Variants in XKR9 observed in about 807,000 individuals in gnomAD.
The protein encoded by XKR9 is XK-related protein 9.
In XKR9, 32 loss-of-function variants were observed where a neutral mutation model predicts 32.0. That is an observed-to-expected ratio of 1.00 (90% CI 0.76 to 1.34). The LOEUF (loss-of-function observed/expected upper bound fraction) is 1.34, where lower values mean the gene tolerates loss of function less well. Among genes scored for constraint, XKR9 ranks in the 40% most tolerant of loss-of-function variants. XKR9 has a pLI of 0.00. For missense variants in XKR9, 546 were observed against 429.7 expected (o/e 1.27, Z -2.39); for synonymous variants, 168 against 143.4 (o/e 1.17, Z -1.22).
At chr8:70,907,675 C>A in the XKR9 span, among the ~76,000 whole-genome samples, 1 of 152,208 alleles carries the variant, frequency 6.6e-6, no homozygotes, top group Admixed American at 6.5e-5. Flanking sequence ...TTAGATACCA[C>A]AATAATCATT....
At chr8:70,914,095 C>T in the XKR9 span, among the ~76,000 whole-genome samples, 1 of 152,112 alleles carries the variant, frequency 6.6e-6, no homozygotes, top group Non-Finnish European at 1.5e-5. Flanking sequence ...GATAGAGTCT[C>T]ACTCTGTTGC....
At chr8:70,688,443 G>A (rs1819384541) in intron 3 of XKR9, among the ~76,000 whole-genome samples, 2 of 151,442 alleles carry the variant, frequency 1.3e-5, no homozygotes, top group Non-Finnish European at 2.9e-5. Flanking sequence ...TTGGGATGGA[G>A]TCTTGCTCTG....
chr8:70,875,939 G>A, the XKR9 span, among the ~76,000 whole-genome samples: 1 of 151,308 alleles, frequency 6.6e-6, no homozygotes, highest in Non-Finnish European at 1.5e-5. Flanking sequence ...TAAATGTAGA[G>A]GAAAAAAAAA....
chr8:70,812,600 G>C, the XKR9 span, among the ~76,000 whole-genome samples: 1 of 152,102 alleles, frequency 6.6e-6, no homozygotes, highest in African/African-American at 2.4e-5. Context: ...AAAGTCTCAG[G>C]ATACAAAATC....
intron 2 of XKR9, among the ~76,000 whole-genome samples, chr8:70,769,943 A>G (rs1327948700): frequency 6.6e-6 from 1 of 151,976 alleles, no homozygotes; most frequent in Non-Finnish European, 1.5e-5. Context: ...ACTTCTGTCA[A>G]TTCGTCAAAC....
the XKR9 span, among the ~76,000 whole-genome samples, chr8:70,903,753 C>T: frequency 6.6e-6 from 1 of 152,056 alleles, no homozygotes; most frequent in Non-Finnish European, 1.5e-5. Flanking sequence ...TTAGATCTTT[C>T]CTGCTTTATC....
chr8:70,985,219 T>A, the XKR9 span, among the ~76,000 whole-genome samples: 10 of 152,192 alleles, frequency 6.6e-5, no homozygotes, highest in African/African-American at 2.4e-4. Context: ...GTCCATGTAT[T>A]CTCATTGTTT....
chr8:70,850,445 C>A, the XKR9 span, among the ~76,000 whole-genome samples: 1 of 119,878 alleles, frequency 8.3e-6, no homozygotes, highest in South Asian at 2.6e-4. Flanking sequence ...GCCCTGGTGA[C>A]ACAGCAAGAC....
intron 2 of XKR9, among the ~76,000 whole-genome samples, chr8:70,786,855 C>G (rs1807695346): frequency 6.6e-6 from 1 of 152,072 alleles, no homozygotes. Flanking sequence ...TTCCTCCTGT[C>G]TTACTGTCTT....
the XKR9 span, among the ~76,000 whole-genome samples, chr8:71,016,019 T>A: frequency 6.6e-6 from 1 of 152,190 alleles, no homozygotes; most frequent in Non-Finnish European, 1.5e-5. Context: ...AGCCAAAACC[T>A]GTTGAATACC....
At chr8:70,868,545 A>G in the XKR9 span, among the ~76,000 whole-genome samples, 57 of 152,152 alleles carry the variant, frequency 3.7e-4, no homozygotes, top group African/African-American at 1.3e-3. Flanking sequence ...AGTGACTGGG[A>G]CACCAGGGCA....
At chr8:70,727,874 G>A (rs542683875) in intron 4 of XKR9, among the ~76,000 whole-genome samples, 1 of 151,800 alleles carries the variant, frequency 6.6e-6, no homozygotes, top group South Asian at 2.1e-4. Context: ...TCTGGGTAGT[G>A]CCACCTGATC....
chr8:70,878,313 C>A, the XKR9 span, among the ~76,000 whole-genome samples: 1 of 152,062 alleles, frequency 6.6e-6, no homozygotes, highest in Non-Finnish European at 1.5e-5. Flanking sequence ...CAATATTAAC[C>A]TTAAATGTAA....
intron 2 of XKR9, among the ~76,000 whole-genome samples, chr8:70,763,051 G>T (rs1344244442): frequency 1.3e-5 from 2 of 152,142 alleles, no homozygotes; most frequent in South Asian, 2.1e-4. Context: ...TATAAAAAAT[G>T]ATTTAATTAT....
intron 3 of XKR9, among the ~76,000 whole-genome samples, chr8:70,695,480 A>T (rs942119102): frequency 4.6e-5 from 7 of 151,864 alleles, no homozygotes; most frequent in African/African-American, 1.5e-4. Flanking sequence ...TTCTAGCTTC[A>T]TCCACATCCC....
downstream of XKR9, among the ~76,000 whole-genome samples, chr8:70,739,392 G>C (rs571251963): frequency 6.6e-6 from 1 of 152,130 alleles, no homozygotes; most frequent in Non-Finnish European, 1.5e-5. Flanking sequence ...CCTGAATACA[G>C]CACACTGATG....
At chr8:70,979,222 C>T in the XKR9 span, among the ~76,000 whole-genome samples, 3 of 152,326 alleles carry the variant, frequency 2.0e-5, no homozygotes, top group African/African-American at 2.4e-5. Context: ...TACCGACTTT[C>T]TGAAGCCTAC....
At chr8:70,715,753 T>C (rs370352146) in intron 4 of XKR9, among the ~76,000 whole-genome samples, 1 of 152,100 alleles carries the variant, frequency 6.6e-6, no homozygotes, top group East Asian at 1.9e-4. Context: ...AAAAACTGAA[T>C]GGCATGAAAT....
the XKR9 span, among the ~76,000 whole-genome samples, chr8:71,017,976 G>A: frequency 7.9e-5 from 12 of 152,318 alleles, no homozygotes; most frequent in African/African-American, 2.9e-4. Flanking sequence ...GAATTCAGAA[G>A]TTGGTAGTAT....
Sources: gnomAD v4.1 joint callset for allele counts (sites outside exome capture counted in the v4.1 genomes callset) on GRCh38, gnomAD v4.1.1 for gene constraint, MANE v1.5 for transcripts, NCBI Gene and HGNC (gene_info 2026-07-23, HGNC 2026-07-21) for gene names.